Variants in CD99 observed in about 807,000 individuals in gnomAD.
CD99 encodes CD99 antigen.
In CD99, 19 loss-of-function variants were observed where a neutral mutation model predicts 28.4. The observed-to-expected ratio is 0.67, with a 90% CI of 0.47 to 0.98. The LOEUF is 0.98. CD99 is among the 50% of genes least tolerant of loss of function. The pLI, the probability that CD99 is intolerant of heterozygous loss-of-function variation, is 0.00. For missense variants in CD99, 283 were observed against 248.8 expected, an observed-to-expected ratio of 1.14 and a Z score of -0.92; for synonymous variants, 103 against 92.1, an observed-to-expected ratio of 1.12 and a Z score of -0.67.
intron 8 of CD99, among the ~76,000 whole-genome samples, chrX:2,729,125 AG>A (rs982162957): frequency 6.6e-6 from 1 of 152,174 alleles, no homozygotes; most frequent in African/African-American, 2.4e-5. Context: ...CGTGAGTCAA[AG>A]CACCCGGCCT....
chrX:2,737,962 A>AGT (rs1247773947), intron 8 of CD99: 2 of 709,084 alleles, frequency 2.8e-6, no homozygotes, highest in Admixed American at 4.0e-5. Flanking sequence ...AGCTGCTTGG[A>AGT]TTACCCTGTT....
Position 2,740,992 on chromosome X carries a change from T to C in CD99, c.*188T>C. The C allele has an allele frequency of 1.4e-6, 1 of 704,884 alleles. No individual in the cohort carries two copies. Among genetic ancestry groups the C allele is most frequent in the Non-Finnish European group, 2.5e-6 (1 of 403,022 alleles). The allele number at this position is 704,884 out of a possible 1,614,324, so 43.7% of individuals were successfully genotyped here. Reference sequence around the variant, plus strand: ...GATGATGTTTACTAACGATGAATTTTACATCCAAAGGGGGATAGGCACTTG... The same window carrying C: ...GATGATGTTTACTAACGATGAATTTCACATCCAAAGGGGGATAGGCACTTG... On this transcript the variant is annotated 3_prime_UTR_variant, in exon 10 of 10. Transcript: ENST00000381192.
chrX:2,736,727 C>G (rs1387147436), intron 8 of CD99, among the ~76,000 whole-genome samples: 3 of 151,952 alleles, frequency 2.0e-5, no homozygotes, highest in East Asian at 3.9e-4. Flanking sequence ...CGTGGTGGTG[C>G]ATGCCTGAAA....
chrX:2,716,062 A>C (rs2048695234), intron 2 of CD99, among the ~76,000 whole-genome samples: 1 of 142,662 alleles, frequency 7.0e-6, no homozygotes, highest in Admixed American at 7.4e-5. Context: ...TCTGTCACCC[A>C]GGCTGGAGTG....
chrX:2,691,540 C>A (rs2047292912), intron 1 of CD99, 113 bp downstream of exon 1: 2 of 1,211,156 alleles, frequency 1.7e-6, no homozygotes, highest in Non-Finnish European at 1.2e-6. Context: ...GGAGCCTCCT[C>A]CCTGCCCGGC....
intron 1 of CD99, among the ~76,000 whole-genome samples, chrX:2,704,560 A>G (rs1460252829): frequency 3.9e-5 from 6 of 152,090 alleles, no homozygotes; most frequent in Non-Finnish European, 8.8e-5. Context: ...CAGCCTCCCA[A>G]GTAGCTGGAA....
At chrX:2,721,676 C>T (rs1239974095) in intron 5 of CD99, among the ~76,000 whole-genome samples, 2 of 152,124 alleles carry the variant, frequency 1.3e-5, no homozygotes, top group African/African-American at 2.4e-5. Context: ...TTACTTTTTG[C>T]TTACTGATAG....
chrX:2,738,346 C>T, intron 9 of CD99, 90 bp downstream of exon 9: 1 of 1,283,396 alleles, frequency 7.8e-7, no homozygotes, highest in Admixed American at 1.7e-5. Context: ...GTCCTGCTCA[C>T]ATTCTCAAAT....
chrX:2,739,883 C>T (rs2050118093), intron 9 of CD99, among the ~76,000 whole-genome samples: 1 of 147,000 alleles, frequency 6.8e-6, no homozygotes, highest in Non-Finnish European at 1.5e-5. Context: ...CGAGACCAGC[C>T]TGACCAACAT....
chrX:2,700,910 C>CA (rs2047827125), intron 1 of CD99, among the ~76,000 whole-genome samples: 1 of 151,242 alleles, frequency 6.6e-6, no homozygotes, highest in Non-Finnish European at 1.5e-5. Flanking sequence ...CCCATCCATC[C>CA]ACCCACCCAA....
intron 1 of CD99, among the ~76,000 whole-genome samples, chrX:2,707,982 C>CT (rs1434514673): frequency 6.6e-6 from 1 of 152,148 alleles, no homozygotes. Context: ...GAGCAGTGGA[C>CT]TGAGTTAGGA....
chrX:2,701,104 C>T (rs1481943595), intron 1 of CD99, among the ~76,000 whole-genome samples: 1 of 151,678 alleles, frequency 6.6e-6, no homozygotes, highest in Non-Finnish European at 1.5e-5. Context: ...TCCATCCATC[C>T]CCTTACTGCC....
chrX:2,714,868 C>T (rs968051235), intron 2 of CD99: 1 of 162,896 alleles, frequency 6.1e-6, no homozygotes, highest in African/African-American at 2.4e-5. Flanking sequence ...GTCCACCTGC[C>T]TTATTATAAA....
chrX:2,715,456 C>G (rs1253899859), intron 2 of CD99: 4 of 152,368 alleles, frequency 2.6e-5, no homozygotes, highest in Non-Finnish European at 5.8e-5. Context: ...TCACTCCAGT[C>G]TCTGCCTCCT....
chrX:2,693,514 C>T (rs1007154827), intron 1 of CD99, among the ~76,000 whole-genome samples: 5 of 152,052 alleles, frequency 3.3e-5, no homozygotes, highest in African/African-American at 1.2e-4. Context: ...ACAGCCTGTC[C>T]CAATAATATT....
rs753294895 is a variant in CD99, at chrX:2,722,689, T to C, written c.310+15T>C. The C allele has an allele frequency of 1.2e-6, 2 of 1,613,700 alleles. No individual in the cohort carries two copies. Among genetic ancestry groups the C allele is most frequent in the South Asian group, 1.1e-5 (1 of 91,066 alleles). ...AGGTGGAGAAGGTACAGTTATCTTGTTTTCTGTCTCTTTTCTCTCTCCATC... is the reference window on the plus strand; with the variant it reads ...AGGTGGAGAAGGTACAGTTATCTTGCTTTCTGTCTCTTTTCTCTCTCCATC... On this transcript the variant is annotated intron_variant, in intron 6 of 9. Coordinates refer to ENST00000381192, the MANE Select transcript of CD99 (RefSeq NM_002414.5).
Position 2,741,105 on chromosome X carries a change from A to G in CD99, c.*301A>G, listed in dbSNP as rs1233351559. The G allele has an allele frequency of 1.2e-5, 5 of 422,816 alleles. No individual in the cohort carries two copies. Among genetic ancestry groups the G allele is most frequent in the Non-Finnish European group, 2.1e-5 (5 of 237,566 alleles). 26.2% of individuals were successfully genotyped at this position (422,816 alleles called of 1,614,324 possible). On this transcript the variant is annotated 3_prime_UTR_variant, in exon 10 of 10. Coordinates refer to ENST00000381192, the MANE Select transcript of CD99 (RefSeq NM_002414.5). ...TTAAGTCCCTGTAACTCAAATGTCA[A>G]CCCCACCGAGGCACCCCCCCGTCCC...
chrX:2,724,473 A>C (rs1255158774), intron 7 of CD99, among the ~76,000 whole-genome samples: 1 of 152,192 alleles, frequency 6.6e-6, no homozygotes, highest in African/African-American at 2.4e-5. Flanking sequence ...TTTGGAATGA[A>C]TAATCTCTTC....
In CD99 at chrX:2,722,736, T is replaced by C. The variant is rs1376663659; in HGVS notation, c.310+62T>C. The C allele has an allele frequency of 6.9e-5, 102 of 1,480,960 alleles. No homozygotes were observed. The South Asian group carries it at 9.6e-4, about 14-fold the overall frequency. 91.7% of individuals were successfully genotyped at this position (1,480,960 alleles called of 1,614,324 possible). A position where few individuals can be genotyped will look rare whatever the true frequency, so the allele number is the denominator to read the frequency against. On this transcript the variant is annotated intron_variant, in intron 6 of 9. Coordinates refer to ENST00000381192, the MANE Select transcript of CD99 (RefSeq NM_002414.5). ...CATCCCATGATGCCCACCTGCTCTGTAGAATCACTACAGGGTCTAAACTGT... is the reference window on the plus strand; with the variant it reads ...CATCCCATGATGCCCACCTGCTCTGCAGAATCACTACAGGGTCTAAACTGT...
Sources: allele counts gnomAD v4.1 joint callset (sites outside exome capture counted in the v4.1 genomes callset), GRCh38; gene constraint gnomAD v4.1.1; transcripts MANE v1.5; gene names NCBI Gene and HGNC (gene_info 2026-07-23, HGNC 2026-07-21).